The following PDE4B variants were observed in gnomAD, a reference collection of about 807,000 sequenced individuals.
PDE4B encodes the protein 3',5'-cyclic-AMP phosphodiesterase 4B.
In PDE4B, 20 loss-of-function variants were observed where a neutral mutation model predicts 82.2. The observed-to-expected ratio is 0.24, with a 90% CI of 0.17 to 0.35. The LOEUF (loss-of-function observed/expected upper bound fraction) is 0.35. Among genes scored for constraint, PDE4B ranks in the 10% least tolerant of loss-of-function variants. The pLI is 1.00. For missense variants in PDE4B, 655 were observed against 907.2 expected (o/e 0.72, Z 3.57); for synonymous variants, 320 against 318.9 (o/e 1.00, Z -0.04).
chr1:66,370,212 T>C (rs534053149), intron 16 of PDE4B, among the ~76,000 whole-genome samples: 14 of 134,614 alleles, frequency 1.0e-4, no homozygotes, highest in African/African-American at 3.3e-4. Context: ...TGAAGTCTAA[T>C]ATACTGTAAA....
Position 65,859,907 on chromosome 1 carries a change from G to A in PDE4B, c.-70-53338G>A, listed in dbSNP as rs574787277. ...CCTCTGACATCTTGCCCTACCCCTCGTTTTTGCCCATGCAGGAGTAGTGAA... is the reference window on the plus strand; with the variant it reads ...CCTCTGACATCTTGCCCTACCCCTCATTTTTGCCCATGCAGGAGTAGTGAA... On this transcript the variant is annotated intron_variant, in intron 1 of 16. Coordinates refer to ENST00000341517, the MANE Select transcript of PDE4B (RefSeq NM_002600.4). Among the ~76,000 whole-genome samples the A allele has an allele frequency of 2.6e-4, 39 of 152,200 alleles. 1 individual carries two copies. Among genetic ancestry groups the A allele is most frequent in the Middle Eastern group, 3.4e-3 (1 of 294 alleles).
At chr1:65,915,211 G>C (rs1569664553) in intron 2 of PDE4B, among the ~76,000 whole-genome samples, 1 of 152,032 alleles carries the variant, frequency 6.6e-6, no homozygotes, top group East Asian at 1.9e-4. Context: ...TTCAAAGAAG[G>C]GAAAATAGTA....
At chr1:66,054,826 C>G (rs1255675073) in intron 3 of PDE4B, among the ~76,000 whole-genome samples, 1 of 152,176 alleles carries the variant, frequency 6.6e-6, no homozygotes, top group African/African-American at 2.4e-5. Context: ...TCCTCCTTAT[C>G]TATAGGCCCT....
At chr1:66,109,414 C>T (rs1346757391) in intron 3 of PDE4B, among the ~76,000 whole-genome samples, 1 of 151,592 alleles carries the variant, frequency 6.6e-6, no homozygotes, top group Non-Finnish European at 1.5e-5. Context: ...AATGAAGGAG[C>T]AGTAAGGTTT....
intron 1 of PDE4B, among the ~76,000 whole-genome samples, chr1:65,816,084 G>A (rs146224854): frequency 3.3e-3 from 503 of 152,132 alleles, no homozygotes; most frequent in African/African-American, 9.3e-3. Flanking sequence ...GAAGGTCCAA[G>A]TGTTATCAAA....
chr1:66,060,577 A>G (rs1312721669), intron 3 of PDE4B, among the ~76,000 whole-genome samples: 1 of 152,226 alleles, frequency 6.6e-6, no homozygotes, highest in Non-Finnish European at 1.5e-5. Flanking sequence ...CACACTTTGT[A>G]TTGATTACAT....
chr1:65,883,839 C>T (rs1242489428), intron 1 of PDE4B, among the ~76,000 whole-genome samples: 4 of 152,076 alleles, frequency 2.6e-5, no homozygotes, highest in Non-Finnish European at 4.4e-5. Context: ...CCATCAATAC[C>T]TAATTTATTG....
chr1:65,846,572 A>G (rs924721098), intron 1 of PDE4B, among the ~76,000 whole-genome samples: 3 of 152,272 alleles, frequency 2.0e-5, no homozygotes, highest in Admixed American at 6.5e-5. Flanking sequence ...TAATTTATGA[A>G]GGGTTAAGAA....
chr1:66,272,045 A>G (rs1655523617), intron 7 of PDE4B, among the ~76,000 whole-genome samples: 1 of 152,218 alleles, frequency 6.6e-6, no homozygotes, highest in Admixed American at 6.5e-5. Flanking sequence ...AGCTGGGAAG[A>G]AAGCTTCACT....
In PDE4B at chr1:66,349,920, G is replaced by T. The variant is rs1468168295; in HGVS notation, c.748-5607G>T. On this transcript the variant is annotated intron_variant, in intron 8 of 16. Coordinates refer to ENST00000341517, the MANE Select transcript of PDE4B (RefSeq NM_002600.4). ...TTCCTGAAAGTCAAAAGGAAGATTA[G>T]AAGCTAGCCATTTTACCACTAAAGA... Among the ~76,000 whole-genome samples the T allele has an allele frequency of 3.3e-5, 5 of 152,068 alleles. No homozygotes were observed. In the East Asian group the frequency reaches 9.6e-4, roughly 29 times the overall value.
chr1:66,187,363 G>A (rs1278858895), intron 3 of PDE4B, among the ~76,000 whole-genome samples: 1 of 152,006 alleles, frequency 6.6e-6, no homozygotes, highest in Non-Finnish European at 1.5e-5. Flanking sequence ...GCATTAGGGA[G>A]GATTCCCTCT....
At chr1:66,016,405 C>T (rs931352670) in intron 3 of PDE4B, among the ~76,000 whole-genome samples, 1 of 152,172 alleles carries the variant, frequency 6.6e-6, no homozygotes, top group Non-Finnish European at 1.5e-5. Flanking sequence ...TTTTCTGCTA[C>T]GGCACATACT....
chr1:66,161,569 C>T (rs1327612315), intron 3 of PDE4B, among the ~76,000 whole-genome samples: 1 of 151,888 alleles, frequency 6.6e-6, no homozygotes, highest in Non-Finnish European at 1.5e-5. Flanking sequence ...ATGCAAATTA[C>T]CTATGTAAAT....
chr1:66,119,120 T>A (rs961296057), intron 3 of PDE4B, among the ~76,000 whole-genome samples: 1 of 152,252 alleles, frequency 6.6e-6, no homozygotes, highest in African/African-American at 2.4e-5. Context: ...TTCAGATCCA[T>A]GTAATCTCCA....
intron 1 of PDE4B, among the ~76,000 whole-genome samples, chr1:65,909,665 C>T (rs1311306898): frequency 6.6e-6 from 1 of 152,100 alleles, no homozygotes; most frequent in East Asian, 1.9e-4. Flanking sequence ...TCACATTTGT[C>T]ACCTTGGAAA....
chr1:65,817,301 G>C (rs1369828418), intron 1 of PDE4B, among the ~76,000 whole-genome samples: 5 of 152,160 alleles, frequency 3.3e-5, no homozygotes, highest in African/African-American at 9.7e-5. Context: ...CTTGTTGACA[G>C]GGAACCCAAG....
intron 8 of PDE4B, among the ~76,000 whole-genome samples, chr1:66,333,877 A>AG (rs111897961): frequency 6.6e-6 from 1 of 152,032 alleles, no homozygotes; most frequent in South Asian, 2.1e-4. Context: ...TTAAGTTGGA[A>AG]GGGAAAAAAA....
chr1:65,934,117 A>G lies in PDE4B; in HGVS notation c.281+15282A>G, dbSNP rs12040468. 8.8e-3 allele frequency among the ~76,000 whole-genome samples: 1,344 copies of G among 152,294 alleles called. 64 individuals are homozygous for G. The East Asian group carries it at 0.15, about 17-fold the overall frequency. ...CCACAAAGAAATACCTATAGAAGAT[A>G]CAAAAAAGGAAAAGAGAAAGAAATC... On this transcript the variant is annotated intron_variant, in intron 3 of 16. Transcript: ENST00000341517.
chr1:65,793,428 C>T (rs919688887), intron 1 of PDE4B, among the ~76,000 whole-genome samples, 180 bp downstream of exon 1: 9 of 152,220 alleles, frequency 5.9e-5, no homozygotes, highest in Admixed American at 2.0e-4. Context: ...GTAGGAAATC[C>T]GCCAACCGGC....
Sources: gnomAD v4.1 joint callset for allele counts (sites outside exome capture counted in the v4.1 genomes callset) on GRCh38, gnomAD v4.1.1 for gene constraint, MANE v1.5 for transcripts, NCBI Gene and HGNC (gene_info 2026-07-23, HGNC 2026-07-21) for gene names.